The following MYO5A variants were observed in gnomAD, a reference collection of about 807,000 sequenced individuals.
MYO5A encodes unconventional myosin-Va.
Under a neutral mutation model 249.7 loss-of-function variants are expected in MYO5A, and 98 were observed. The observed-to-expected ratio is 0.39, with a 90% CI of 0.33 to 0.46. MYO5A has a LOEUF of 0.46. MYO5A is among the 20% of genes least tolerant of loss of function. MYO5A has a pLI of 0.98. For synonymous variants in MYO5A, 778 were observed against 810.6 expected, an observed-to-expected ratio of 0.96 and a Z score of 0.68; for missense variants, 1,696 against 2,308.8, an observed-to-expected ratio of 0.73 and a Z score of 5.44.
At chr15:52,390,824 G>T (rs935118439) in intron 12 of MYO5A, among the ~76,000 whole-genome samples, 3 of 152,046 alleles carry the variant, frequency 2.0e-5, no homozygotes, top group Non-Finnish European at 4.4e-5. Context: ...CTCTCAAAGT[G>T]CTGGGATTAC....
chr15:52,500,639 T>C (rs1313689952), intron 1 of MYO5A, among the ~76,000 whole-genome samples: 3 of 151,976 alleles, frequency 2.0e-5, no homozygotes, highest in Non-Finnish European at 2.9e-5. Context: ...TGAGCCACCA[T>C]GCCTGGCCTC....
chr15:52,369,864 A>C (rs1362674352), intron 22 of MYO5A, among the ~76,000 whole-genome samples: 1 of 131,640 alleles, frequency 7.6e-6, no homozygotes, highest in Non-Finnish European at 1.6e-5. Context: ...TATGCCCCAG[A>C]CTGACTTTTT....
At chr15:52,353,308 G>C (rs920331959) in intron 27 of MYO5A, among the ~76,000 whole-genome samples, 1 of 152,192 alleles carries the variant, frequency 6.6e-6, no homozygotes, top group African/African-American at 2.4e-5. Context: ...TGTCTGGTCT[G>C]CCCCATCATA....
intron 12 of MYO5A, among the ~76,000 whole-genome samples, chr15:52,391,604 C>A (rs1019796551): frequency 5.3e-5 from 8 of 152,168 alleles, no homozygotes; most frequent in Admixed American, 5.2e-4. Flanking sequence ...ATATCTTCTG[C>A]ACAGTTTCTT....
At chr15:52,452,368 C>A (rs1448520609) in intron 1 of MYO5A, among the ~76,000 whole-genome samples, 1 of 152,140 alleles carries the variant, frequency 6.6e-6, no homozygotes, top group African/African-American at 2.4e-5. Flanking sequence ...AAAGTGAGAT[C>A]AAGGTACAAC....
chr15:52,508,976 A>AT (rs113511621), intron 1 of MYO5A, among the ~76,000 whole-genome samples: 8,116 of 145,204 alleles, frequency 0.056, 719 homozygotes, highest in African/African-American at 0.19. Context: ...TTTTTTTGTA[A>AT]TTTTTTTTTT....
rs977169640 is a variant in MYO5A at position 52,407,336 on chromosome 15, T to C, written c.902A>G (p.Asp301Gly). Reference sequence around the variant, plus strand: ...CCTAGTATGTGCCATCTCCTTTGCATCATCCACTCCTTCAATCACAGGACT... The same window carrying C: ...CCTAGTATGTGCCATCTCCTTTGCACCATCCACTCCTTCAATCACAGGACT... The part of the protein sequence containing the change: ...GGSPVIEGVD[D>G]AKEMAHTRQA... Residue 301 changes from aspartate to glycine, a missense_variant, in exon 8 of 42, where the codon GAT becomes GGT. This residue lies in a region of MYO5A where 185 missense variants were observed against 204.8 expected (regional missense o/e 0.90). Transcript: ENST00000399233. 6.2e-7 allele frequency: 1 copy of C among 1,613,784 alleles called. No homozygotes were observed. The highest frequency in any genetic ancestry group is 1.7e-5 in the Admixed American group (1 of 60,016).
intron 1 of MYO5A, among the ~76,000 whole-genome samples, chr15:52,491,314 T>C (rs999122524): frequency 6.6e-6 from 1 of 152,204 alleles, no homozygotes; most frequent in Non-Finnish European, 1.5e-5. Context: ...ATTACTAAGG[T>C]ACTGAAGGAT....
At chr15:52,485,468 T>A (rs1352126248) in intron 1 of MYO5A, among the ~76,000 whole-genome samples, 1 of 152,186 alleles carries the variant, frequency 6.6e-6, no homozygotes, top group African/African-American at 2.4e-5. Flanking sequence ...AGACCTCTGA[T>A]TAGATCATGA....
intron 37 of MYO5A, among the ~76,000 whole-genome samples, chr15:52,322,765 C>CTT (rs532700706): frequency 9.7e-5 from 14 of 144,544 alleles, no homozygotes; most frequent in African/African-American, 3.5e-4. Context: ...TTTGATCACC[C>CTT]TTTTTTTTTT....
At chr15:52,439,074 C>T (rs571374997) in intron 1 of MYO5A, among the ~76,000 whole-genome samples, 85 of 152,338 alleles carry the variant, frequency 5.6e-4, no homozygotes, top group African/African-American at 1.8e-3. Flanking sequence ...AGTTCTCTTC[C>T]GTGACCCACG....
chr15:52,389,585 A>C (rs1228859337), intron 12 of MYO5A, among the ~76,000 whole-genome samples: 1 of 152,198 alleles, frequency 6.6e-6, no homozygotes, highest in Non-Finnish European at 1.5e-5. Context: ...AACCCAGCCC[A>C]ATCTTTGGGC....
At chr15:52,363,639 C>T (rs897296902) in intron 24 of MYO5A, among the ~76,000 whole-genome samples, 1 of 152,150 alleles carries the variant, frequency 6.6e-6, no homozygotes, top group South Asian at 2.1e-4. Flanking sequence ...ACTGAATTAT[C>T]TGGCTTTTTA....
At chr15:52,405,469 C>T (rs2141217612) in intron 8 of MYO5A, 76 bp from the exon 9 acceptor site, 4 of 1,107,664 alleles carry the variant, frequency 3.6e-6, no homozygotes, top group Non-Finnish European at 5.4e-6. Flanking sequence ...CAATTTTAAG[C>T]CTATTGTTAA....
At chr15:52,321,120 A>G (rs907046058) in intron 38 of MYO5A, among the ~76,000 whole-genome samples, 1 of 152,242 alleles carries the variant, frequency 6.6e-6, no homozygotes, top group African/African-American at 2.4e-5. Context: ...TTTAAACAGT[A>G]AACATTAGGG....
chr15:52,478,956 G>A (rs1230557050), intron 1 of MYO5A, among the ~76,000 whole-genome samples: 1 of 152,098 alleles, frequency 6.6e-6, no homozygotes, highest in African/African-American at 2.4e-5. Context: ...ACTGTGAACA[G>A]TGCCATGTGC....
chr15:52,407,492 A>C, intron 7 of MYO5A, 93 bp from the exon 8 acceptor site: 1 of 814,414 alleles, frequency 1.2e-6, no homozygotes, highest in South Asian at 1.4e-5. Context: ...GTGATAGCAC[A>C]GTTGAGTGTA....
chr15:52,370,507 G>A, intron 21 of MYO5A, 90 bp from the exon 22 acceptor site: 2 of 1,367,820 alleles, frequency 1.5e-6, no homozygotes, highest in Admixed American at 3.5e-5. Context: ...TCATATTCAT[G>A]CTATATCATC....
At chr15:52,399,044 T>C (rs893855848) in intron 9 of MYO5A, among the ~76,000 whole-genome samples, 6 of 152,234 alleles carry the variant, frequency 3.9e-5, no homozygotes, top group African/African-American at 1.4e-4. Context: ...GTCAGCACTC[T>C]GTAAACATAT....
Sources: allele counts gnomAD v4.1 joint callset (sites outside exome capture counted in the v4.1 genomes callset), GRCh38; gene constraint gnomAD v4.1.1; regional missense constraint gnomAD v4.1.1; transcripts MANE v1.5; gene names NCBI Gene and HGNC (gene_info 2026-07-23, HGNC 2026-07-21).